The following SHOX variants were observed in gnomAD, a reference collection of about 807,000 sequenced individuals.
The protein encoded by SHOX is short stature homeobox protein.
SHOX carries 12 observed loss-of-function variants against 29.6 expected under a neutral mutation model. The observed-to-expected ratio is 0.41, with a 90% CI of 0.26 to 0.66. SHOX has a LOEUF of 0.66. Ranked by LOEUF, SHOX falls within the 30% of genes least tolerant of loss-of-function variation. SHOX has a pLI of 0.35. For missense variants in SHOX, 499 were observed against 437.7 expected (o/e 1.14, Z -1.25); for synonymous variants, 214 against 200.6 (o/e 1.07, Z -0.57).
Position 651,043 on chromosome X carries a change from T to A in SHOX, c.*6407T>A, listed in dbSNP as rs1336963223. ...GAGTTCAGCCCATTGTACGTGCAGG[T>A]CCCGTGGGAAGGAGGCAAAAGCCCC... On this transcript the variant is annotated 3_prime_UTR_variant, in exon 5 of 5. Transcript: ENST00000686671. 6.6e-6 allele frequency among the ~76,000 whole-genome samples: 1 copy of A among 152,054 alleles called. No individual in the cohort carries two copies. Among genetic ancestry groups the A allele is most frequent in the Non-Finnish European group, 1.5e-5 (1 of 68,012 alleles).
intron 5 of SHOX, among the ~76,000 whole-genome samples, chrX:657,466 C>T (rs2053163493): frequency 6.6e-6 from 1 of 152,108 alleles, no homozygotes; most frequent in South Asian, 2.1e-4. Flanking sequence ...AAATGCTGCC[C>T]ATCCTTCTAG....
chrX:633,178 G>C (rs1209578395), intron 1 of SHOX, among the ~76,000 whole-genome samples: 1 of 152,116 alleles, frequency 6.6e-6, no homozygotes. Flanking sequence ...GCAGGGGAGA[G>C]TCTGAGGTTA....
Position 650,849 on chromosome X carries a change from C to G in SHOX, c.*6213C>G, listed in dbSNP as rs764136515. ...TGCCTAATTTATTAAAGAGAATTAG[C>G]TTAGCGAGTATATGCTGATATTCTT... On this transcript the variant is annotated 3_prime_UTR_variant, in exon 5 of 5. Transcript: ENST00000686671. Among the ~76,000 whole-genome samples the G allele has an allele frequency of 5.5e-4, 76 of 138,542 alleles. No homozygotes were observed. The highest frequency in any genetic ancestry group is 2.8e-3 in the South Asian group (12 of 4,226). The allele number at this position is 138,542 out of a possible 152,430, so 90.9% of individuals were successfully genotyped here.
chrX:633,702 G>A (rs1378351038), intron 1 of SHOX, among the ~76,000 whole-genome samples: 1 of 152,014 alleles, frequency 6.6e-6, no homozygotes, highest in Non-Finnish European at 1.5e-5. Context: ...AGGGCATCGC[G>A]TGCTTCTCAT....
Position 634,771 on chromosome X carries a change from C to G in SHOX, c.431C>G (p.Ala144Gly). The G allele has an allele frequency of 1.9e-6, 3 of 1,606,702 alleles. No individual in the cohort carries two copies. The highest frequency in any genetic ancestry group is 2.5e-6 in the Non-Finnish European group (3 of 1,176,744). Residue 144 changes from alanine (A) to glycine (G), a missense_variant, in exon 2 of 5, where the codon GCC (alanine) becomes GGC (glycine). Transcript: ENST00000686671. ...TTCGACGAGACCCATTACCCCGACG[C>G]CTTCATGCGCGAGGAGCTCAGCCAG... is the stretch of plus-strand genomic sequence containing the variant. Reference protein sequence around the residue: ...RLFDETHYPDAFMREELSQRL... With the variant: ...RLFDETHYPDGFMREELSQRL...
chrX:645,410 T>G lies in SHOX; in HGVS notation c.*774T>G, dbSNP rs961551007. On this transcript the variant is annotated 3_prime_UTR_variant, in exon 5 of 5. Transcript: ENST00000686671. The stretch of plus-strand genomic sequence containing the variant: ...TTGGTATTTTTTTTTTTTTTTTTTT[T>G]TTTTTTTTTTTTTGCTGTGTTACAG... 1.4e-5 allele frequency: 2 copies of G among 144,024 alleles called. No individual in the cohort carries two copies. Among genetic ancestry groups the G allele is most frequent in the Non-Finnish European group, 3.0e-5 (2 of 66,138 alleles). The allele number at this position is 144,024 out of a possible 1,614,324, so 8.9% of individuals were successfully genotyped here.
upstream of SHOX, among the ~76,000 whole-genome samples, chrX:628,460 T>C (rs1473633962): frequency 7.6e-6 from 1 of 131,444 alleles, no homozygotes; most frequent in Non-Finnish European, 1.6e-5. Context: ...TCTCTCTCCA[T>C]CTCTCTCTGT....
chrX:651,240 G>T lies in SHOX; in HGVS notation c.*6604G>T. On this transcript the variant is annotated 3_prime_UTR_variant, in exon 5 of 5. Transcript: ENST00000686671. ...TTTTCTTTTTCCCTCCCCCATTGAC[G>T]ACATAGCGGCCCCCGCGTCCGGGTT... is the stretch of plus-strand genomic sequence containing the variant. 2.2e-6 allele frequency: 1 copy of T among 447,184 alleles called. No individual in the cohort carries two copies. Among genetic ancestry groups the T allele is most frequent in the Non-Finnish European group, 4.5e-6 (1 of 222,398 alleles). The allele number at this position is 447,184 out of a possible 1,614,324, so 27.7% of individuals were successfully genotyped here.
chrX:640,064 G>C (rs1358619605), intron 2 of SHOX, among the ~76,000 whole-genome samples: 1 of 150,374 alleles, frequency 6.7e-6, no homozygotes, highest in East Asian at 2.0e-4. Context: ...CCAGTTCTAG[G>C]CCAGGTGCAG....
intron 1 of SHOX, among the ~76,000 whole-genome samples, chrX:633,580 G>A (rs1170554493): frequency 1.3e-5 from 2 of 152,166 alleles, no homozygotes; most frequent in Admixed American, 6.5e-5. Context: ...GGATTTGTCA[G>A]CTTTGCAAGC....
At chrX:659,336 C>G (rs1409474448) in exon 6 of SHOX, 1 of 152,134 alleles carries the variant, frequency 6.6e-6, no homozygotes, top group African/African-American at 2.4e-5. Context: ...ATCCTCTCAC[C>G]TCCACCTCCC....
At chrX:628,279 G>C (rs868511863), upstream of SHOX, among the ~76,000 whole-genome samples, 4 of 136,204 alleles carry the variant, frequency 2.9e-5, no homozygotes, top group Admixed American at 7.2e-5. Context: ...ATCTCTCCCT[G>C]TCTCTCTCTT....
chrX:642,959 T>C (rs1222803212), intron 4 of SHOX, among the ~76,000 whole-genome samples: 30 of 107,560 alleles, frequency 2.8e-4, no homozygotes, highest in South Asian at 3.6e-4. Flanking sequence ...GACCTGGTGT[T>C]CTGGGAGAGG....
At chrX:642,087 A>G (rs1221367784) in intron 4 of SHOX, among the ~76,000 whole-genome samples, 2 of 152,128 alleles carry the variant, frequency 1.3e-5, no homozygotes, top group Non-Finnish European at 2.9e-5. Flanking sequence ...AAGCTTCCCA[A>G]GGGCGCCCCC....
chrX:638,805 G>A (rs1338430373), intron 2 of SHOX, among the ~76,000 whole-genome samples: 2 of 152,228 alleles, frequency 1.3e-5, no homozygotes, highest in African/African-American at 2.4e-5. Flanking sequence ...GACCCAGCAC[G>A]TGTTTTGCCC....
At chrX:652,010 C>T (rs2053073367), downstream of SHOX, among the ~76,000 whole-genome samples, 1 of 152,074 alleles carries the variant, frequency 6.6e-6, no homozygotes, top group South Asian at 2.1e-4. Flanking sequence ...GCGACCTCCG[C>T]CTCCCGGGTT....
chrX:654,967 C>T (rs1257858021), downstream of SHOX, among the ~76,000 whole-genome samples: 1 of 149,858 alleles, frequency 6.7e-6, no homozygotes, highest in Admixed American at 6.6e-5. Context: ...GGATGACAGG[C>T]GTGAGCCACC....
rs1231271856 is a variant in SHOX at position 645,048 on chromosome X, T to C, written c.*412T>C. 1 of 179,548 alleles carries C rather than the reference T, an allele frequency of 5.6e-6. No homozygotes were observed. The highest frequency in any genetic ancestry group is 1.2e-5 in the Non-Finnish European group (1 of 86,842). 11.1% of individuals were successfully genotyped at this position (179,548 alleles called of 1,614,324 possible). A position where few individuals can be genotyped will look rare whatever the true frequency, so the allele number is the denominator to read the frequency against. ...TCCCGGAGCTGGTCTCCGATGAAAATGCCATTTCTTCGTTGCCAACGATTT... is the reference window on the plus strand; with the variant it reads ...TCCCGGAGCTGGTCTCCGATGAAAACGCCATTTCTTCGTTGCCAACGATTT... On this transcript the variant is annotated 3_prime_UTR_variant, in exon 5 of 5. Coordinates refer to ENST00000686671, the MANE Select transcript of SHOX (RefSeq NM_000451.4).
chrX:627,369 G>C (rs1213842581), upstream of SHOX, among the ~76,000 whole-genome samples: 2 of 152,168 alleles, frequency 1.3e-5, no homozygotes, highest in Admixed American at 6.5e-5. Context: ...TGTCTTTAAA[G>C]GGAAGGGCAG....
Sources: gnomAD v4.1 joint callset for allele counts (sites outside exome capture counted in the v4.1 genomes callset) on GRCh38, gnomAD v4.1.1 for gene constraint, MANE v1.5 for transcripts, NCBI Gene and HGNC (gene_info 2026-07-23, HGNC 2026-07-21) for gene names.